Variants in SMAD9 observed in about 807,000 individuals in gnomAD.
The protein encoded by SMAD9 is SMAD family member 9.
SMAD9 carries 36 observed loss-of-function variants against 46.1 expected under a neutral mutation model. The ratio of observed to expected loss-of-function variants is 0.78; its 90% confidence interval spans 0.60 to 1.03. The LOEUF (loss-of-function observed/expected upper bound fraction) is 1.03. Ranked by LOEUF, SMAD9 falls within the 50% of genes least tolerant of loss-of-function variation. The pLI is 0.00. For synonymous variants in SMAD9, 245 were observed against 237.1 expected (o/e 1.03, Z -0.31); for missense variants, 572 against 599.8 (o/e 0.95, Z 0.48).
Position 36,879,891 on chromosome 13 carries a change from A to G in SMAD9, c.-186-16T>C. The G allele has an allele frequency of 1.7e-6, 1 of 600,838 alleles. No individual in the cohort carries two copies. Among genetic ancestry groups the G allele is most frequent in the Non-Finnish European group, 3.0e-6 (1 of 338,280 alleles). The allele number at this position is 600,838 out of a possible 1,614,324, so 37.2% of individuals were successfully genotyped here. On this transcript the variant is annotated splice_polypyrimidine_tract_variant and intron_variant, in intron 1 of 6. Transcript: ENST00000379826. Reference sequence around the variant, plus strand: ...GTGGCCAACTCTGGAAAACACGACAAGACTTCAATTAGCTTAATCGGAGTA... The same window carrying G: ...GTGGCCAACTCTGGAAAACACGACAGGACTTCAATTAGCTTAATCGGAGTA...
At chr13:36,873,957 T>C (rs1401253156) in intron 2 of SMAD9, among the ~76,000 whole-genome samples, 1 of 152,268 alleles carries the variant, frequency 6.6e-6, no homozygotes, top group South Asian at 2.1e-4. Flanking sequence ...AGAATGTTAC[T>C]GTTCTTGATT....
rs561685450 is a variant in SMAD9, at chr13:36,879,793, C to T, written c.-104G>A. 18 of 1,302,640 alleles carry T rather than the reference C, an allele frequency of 1.4e-5. No individual in the cohort carries two copies. In the South Asian group the frequency reaches 1.6e-4, roughly 11 times the overall value. The allele number at this position is 1,302,640 out of a possible 1,614,324, so 80.7% of individuals were successfully genotyped here. The stretch of plus-strand genomic sequence containing the variant: ...GGGGTGGCATAGGGACCAACCCGCC[C>T]GTTCTTCTGGGAGCAGCTGGGACCA... On this transcript the variant is annotated 5_prime_UTR_variant, in exon 2 of 7. Transcript: ENST00000379826.
chr13:36,848,892 A>G (rs1405366718), intron 6 of SMAD9, 73 bp from the exon 7 acceptor site: 1 of 1,501,358 alleles, frequency 6.7e-7, no homozygotes. Context: ...GGCAGAGCTC[A>G]GCGGGGCACA....
At chr13:36,866,538 C>T (rs2058236434) in intron 4 of SMAD9, among the ~76,000 whole-genome samples, 1 of 152,158 alleles carries the variant, frequency 6.6e-6, no homozygotes, top group Non-Finnish European at 1.5e-5. Flanking sequence ...ACATCCTTGT[C>T]ATTCTTGCAT....
At chr13:36,920,374 G>C (rs1171249538), upstream of SMAD9, 3 of 150,864 alleles carry the variant, frequency 2.0e-5, no homozygotes, top group African/African-American at 7.2e-5. Flanking sequence ...GGCTGCGCGG[G>C]CCCGGCGGGG....
At chr13:36,894,892 C>T (rs1383153888) in intron 1 of SMAD9, among the ~76,000 whole-genome samples, 3 of 152,130 alleles carry the variant, frequency 2.0e-5, no homozygotes, top group Non-Finnish European at 4.4e-5. Context: ...ACATCTCACA[C>T]CCCAAGAACA....
intron 2 of SMAD9, among the ~76,000 whole-genome samples, chr13:36,874,631 G>A (rs2058327947): frequency 6.6e-6 from 1 of 152,110 alleles, no homozygotes; most frequent in Non-Finnish European, 1.5e-5. Flanking sequence ...GCCAAGGCAG[G>A]TGGATCACGA....
chr13:36,852,274 GA>G, intron 6 of SMAD9: 1 of 981,972 alleles, frequency 1.0e-6, no homozygotes, highest in Non-Finnish European at 1.2e-6. Flanking sequence ...AATTTACTTT[GA>G]AAAAAATGCC....
At chr13:36,879,168 C>CAT (rs2058376121) in intron 2 of SMAD9, 110 bp downstream of exon 2, 1 of 979,680 alleles carries the variant, frequency 1.0e-6, no homozygotes, top group African/African-American at 1.6e-5. Context: ...TCTCTTCTCT[C>CAT]TCTCTCTTTT....
intron 5 of SMAD9, among the ~76,000 whole-genome samples, chr13:36,856,739 G>A (rs2058129527): frequency 6.6e-6 from 1 of 152,060 alleles, no homozygotes. Context: ...ACCACTTGCA[G>A]GGCTTATTAA....
chr13:36,873,457 C>G (rs920325259), intron 2 of SMAD9, among the ~76,000 whole-genome samples: 1 of 152,116 alleles, frequency 6.6e-6, no homozygotes, highest in African/African-American at 2.4e-5. Context: ...TTCAGTAGTG[C>G]CACTGAAATA....
At chr13:36,904,970 C>T (rs921528500) in intron 1 of SMAD9, among the ~76,000 whole-genome samples, 13 of 152,266 alleles carry the variant, frequency 8.5e-5, no homozygotes, top group African/African-American at 3.1e-4. Flanking sequence ...CACTTGTTTT[C>T]ATCCTTTTAT....
intron 1 of SMAD9, among the ~76,000 whole-genome samples, chr13:36,897,560 A>C (rs911058673): frequency 2.0e-5 from 3 of 152,212 alleles, no homozygotes; most frequent in African/African-American, 7.2e-5. Context: ...GCATCAACTG[A>C]CAAAATGTGG....
At chr13:36,853,824 T>G in intron 5 of SMAD9, 149 bp from the exon 6 acceptor site, 1 of 822,788 alleles carries the variant, frequency 1.2e-6, no homozygotes, top group Non-Finnish European at 2.0e-6. Flanking sequence ...AAATGCCGCT[T>G]AGTTTAATGA....
In SMAD9 at chr13:36,867,400, G is replaced by A; in HGVS notation, c.671-17C>T. The stretch of plus-strand genomic sequence containing the variant: ...GTGTGTCAACTAAAAGAAAGCAGTA[G>A]AACAAAGGAATTGTCAAATCGATAA... On this transcript the variant is annotated splice_polypyrimidine_tract_variant and intron_variant, in intron 3 of 6. Transcript: ENST00000379826. 1.4e-6 allele frequency: 2 copies of A among 1,477,264 alleles called. No homozygotes were observed. The highest frequency in any genetic ancestry group is 2.5e-5 in the South Asian group (2 of 79,932). 91.5% of individuals were successfully genotyped at this position (1,477,264 alleles called of 1,614,324 possible).
chr13:36,873,191 A>T (rs1189576784), intron 2 of SMAD9, among the ~76,000 whole-genome samples: 2 of 152,128 alleles, frequency 1.3e-5, no homozygotes, highest in African/African-American at 4.8e-5. Flanking sequence ...GCATTTGGAG[A>T]AGGATCTTTC....
chr13:36,854,363 A>G (rs1173284470), intron 5 of SMAD9, among the ~76,000 whole-genome samples: 1 of 151,796 alleles, frequency 6.6e-6, no homozygotes, highest in Non-Finnish European at 1.5e-5. Flanking sequence ...TTGTACATAC[A>G]CAAATTTTAT....
chr13:36,879,624 T>C lies in SMAD9; in HGVS notation c.66A>G (p.Leu22=). Residue 22 remains leucine (L), a synonymous_variant, in exon 2 of 7, where the codon CTA becomes CTG. Transcript: ENST00000379826. ...SFTSPAVKRL[L]GWKQGDEEEK... is the part of the protein sequence containing the mutation. ...CCTCTTCATCTCCTTGCTTCCAGCCTAGCAGTCTCTTCACTGCGGGGCTGG... is the reference window on the plus strand; with the variant it reads ...CCTCTTCATCTCCTTGCTTCCAGCCCAGCAGTCTCTTCACTGCGGGGCTGG... 3 of 1,614,200 alleles carry C rather than the reference T, an allele frequency of 1.9e-6. No individual in the cohort carries two copies. The highest frequency in any genetic ancestry group is 2.5e-6 in the Non-Finnish European group (3 of 1,180,022).
chr13:36,913,976 A>G (rs1163282833), intron 1 of SMAD9, among the ~76,000 whole-genome samples: 2 of 152,204 alleles, frequency 1.3e-5, no homozygotes, highest in Non-Finnish European at 1.5e-5. Flanking sequence ...ATGGTGTTCA[A>G]TCCTGCATAG....
Sources: gnomAD v4.1 joint callset for allele counts (sites outside exome capture counted in the v4.1 genomes callset) on GRCh38, gnomAD v4.1.1 for gene constraint, MANE v1.5 for transcripts, NCBI Gene and HGNC (gene_info 2026-07-23, HGNC 2026-07-21) for gene names.